The following SUSD4 variants were observed in gnomAD, a reference collection of about 807,000 sequenced individuals.
SUSD4 encodes sushi domain-containing protein 4.
Under a neutral mutation model 50.5 loss-of-function variants are expected in SUSD4, and 41 were observed. The observed-to-expected ratio is 0.81, with a 90% CI of 0.63 to 1.05. SUSD4 has a LOEUF of 1.05. Among genes scored for constraint, SUSD4 ranks in the 50% least tolerant of loss-of-function variants. The pLI is 0.00. For synonymous variants in SUSD4, 257 were observed against 257.3 expected, an observed-to-expected ratio of 1.00 and a Z score of 0.01; for missense variants, 580 against 634.7, an observed-to-expected ratio of 0.91 and a Z score of 0.93.
At chr1:223,360,550 G>A (rs1180591864) in intron 2 of SUSD4, among the ~76,000 whole-genome samples, 6 of 152,236 alleles carry the variant, frequency 3.9e-5, no homozygotes, top group Admixed American at 1.3e-4. Flanking sequence ...GAACTGAATC[G>A]GAGCTCTGGC....
chr1:223,223,243 A>G lies in SUSD4; in HGVS notation c.1444+6T>C, dbSNP rs774347018. On this transcript the variant is annotated splice_donor_region_variant and intron_variant, in intron 8 of 8. Transcript: ENST00000366878. The stretch of plus-strand genomic sequence containing the variant: ...GTGTGGCTTGGGCCCTGGGGCAAGC[A>G]CTTACCATCTGCAATGTCGATGCCT... The G allele has an allele frequency of 1.3e-6, 2 of 1,527,750 alleles. No individual in the cohort carries two copies. Among genetic ancestry groups the G allele is most frequent in the South Asian group, 1.3e-5 (1 of 77,840 alleles). 94.6% of individuals were successfully genotyped at this position (1,527,750 alleles called of 1,614,324 possible).
At chr1:223,303,911 T>C (rs1454877899) in intron 2 of SUSD4, among the ~76,000 whole-genome samples, 1 of 152,204 alleles carries the variant, frequency 6.6e-6, no homozygotes, top group Non-Finnish European at 1.5e-5. Flanking sequence ...AGAAACACAG[T>C]CTTTCTATAA....
At chr1:223,336,141 A>C (rs1667444278) in intron 2 of SUSD4, among the ~76,000 whole-genome samples, 1 of 152,202 alleles carries the variant, frequency 6.6e-6, no homozygotes, top group African/African-American at 2.4e-5. Context: ...TTTAGTAGAT[A>C]CGGGGTTTCT....
intron 2 of SUSD4, among the ~76,000 whole-genome samples, chr1:223,335,523 G>C (rs1354274951): frequency 1.3e-5 from 2 of 152,012 alleles, no homozygotes; most frequent in African/African-American, 4.8e-5. Context: ...ATGAACACAG[G>C]GCTTCTCTTC....
At chr1:223,268,011 TTTTATATATATATATATA>T (rs1278140055) in intron 4 of SUSD4, among the ~76,000 whole-genome samples, 1 of 7,668 alleles carries the variant, frequency 1.3e-4, no homozygotes, top group African/African-American at 5.8e-4. Context: ...TTCATGCATT[TTTTATATATATATATATA>T]TATATATATA....
At chr1:223,249,866 C>A (rs1462594028) in intron 5 of SUSD4, among the ~76,000 whole-genome samples, 1 of 152,006 alleles carries the variant, frequency 6.6e-6, no homozygotes, top group Non-Finnish European at 1.5e-5. Context: ...AAGACATGGA[C>A]AGTGAAAAGA....
At chr1:223,241,914 C>T (rs149901012) in intron 5 of SUSD4, among the ~76,000 whole-genome samples, 10 of 152,238 alleles carry the variant, frequency 6.6e-5, no homozygotes, top group South Asian at 4.1e-4. Context: ...CTCCCCTTTA[C>T]GGTGGCCTGG....
intron 5 of SUSD4, among the ~76,000 whole-genome samples, chr1:223,246,344 G>A (rs1232757678): frequency 6.6e-6 from 1 of 152,122 alleles, no homozygotes; most frequent in African/African-American, 2.4e-5. Flanking sequence ...TGATACAGTG[G>A]CAGAGGGGAA....
chr1:223,236,333 A>G (rs1660218248), intron 5 of SUSD4, among the ~76,000 whole-genome samples: 1 of 152,160 alleles, frequency 6.6e-6, no homozygotes, highest in Admixed American at 6.5e-5. Context: ...TCTTTTGCAG[A>G]ACAGAAGTTG....
chr1:223,234,754 A>T lies in SUSD4; in HGVS notation c.725-5366T>A, dbSNP rs189655938. ...TGTCCATTTTAGGGATGTCTTAGTG[A>T]CGTGAAATAGAGCTTTGCCAGTCCC... On this transcript the variant is annotated intron_variant, in intron 5 of 8. Coordinates refer to ENST00000366878, the MANE Select transcript of SUSD4 (RefSeq NM_017982.4). Among the ~76,000 whole-genome samples the T allele has an allele frequency of 6.9e-3, 1,055 of 152,318 alleles. 5 individuals carry two copies. The highest frequency in any genetic ancestry group is 0.01 in the Middle Eastern group (3 of 294).
intron 5 of SUSD4, among the ~76,000 whole-genome samples, chr1:223,259,415 C>A (rs1399501801): frequency 6.6e-6 from 1 of 152,140 alleles, no homozygotes; most frequent in Non-Finnish European, 1.5e-5. Context: ...ATGGCAGCTA[C>A]AATTAAGGAC....
chr1:223,356,382 T>C (rs955318819), intron 2 of SUSD4, among the ~76,000 whole-genome samples: 20 of 152,086 alleles, frequency 1.3e-4, no homozygotes, highest in Non-Finnish European at 2.1e-4. Context: ...GGGGAACTTC[T>C]ACACACATTC....
Position 223,222,196 on chromosome 1 carries a change from G to A in SUSD4, c.1469C>T (p.Pro490Leu), listed in dbSNP as rs1271521082. ...ADEIPLMEEDP is the reference protein window; with the variant it reads ...ADEIPLMEEDL ...TCATCTGGATCTTGACCCATATTAG[G>A]GATCTTCTTCCATTAGAGGAATCTC... Residue 490 changes from proline to leucine, a missense_variant, in exon 9 of 9, where the codon CCC becomes CTC. Transcript: ENST00000366878. 3 of 1,613,298 alleles carry A rather than the reference G, an allele frequency of 1.9e-6. No individual in the cohort carries two copies. In the Admixed American group the frequency reaches 5.0e-5, roughly 27 times the overall value.
At chr1:223,256,618 C>T (rs1661710883) in intron 5 of SUSD4, among the ~76,000 whole-genome samples, 1 of 152,194 alleles carries the variant, frequency 6.6e-6, no homozygotes, top group African/African-American at 2.4e-5. Flanking sequence ...TTCATTTTGC[C>T]ACCTGCCTTC....
intron 2 of SUSD4, among the ~76,000 whole-genome samples, chr1:223,354,034 GA>G (rs112464132): frequency 9.2e-4 from 125 of 136,008 alleles, no homozygotes; most frequent in Middle Eastern, 7.4e-3. Flanking sequence ...GTTGTCTCAA[GA>G]AAAAAAAAAA....
chr1:223,321,797 A>C (rs1336154526), intron 2 of SUSD4, among the ~76,000 whole-genome samples: 2 of 152,244 alleles, frequency 1.3e-5, no homozygotes, highest in Non-Finnish European at 2.9e-5. Flanking sequence ...AAATATAGTT[A>C]TCAAAATATT....
At chr1:223,320,491 G>C (rs1020359099) in intron 2 of SUSD4, among the ~76,000 whole-genome samples, 1 of 152,114 alleles carries the variant, frequency 6.6e-6, no homozygotes, top group African/African-American at 2.4e-5. Context: ...CCGCTTCTCG[G>C]GGTGTTGCAC....
chr1:223,245,546 G>C (rs1256712561), intron 5 of SUSD4, among the ~76,000 whole-genome samples: 1 of 152,112 alleles, frequency 6.6e-6, no homozygotes. Context: ...GAGGCAGGCG[G>C]GACACTGTGT....
chr1:223,340,695 C>T (rs974330175), intron 2 of SUSD4, among the ~76,000 whole-genome samples: 1 of 152,172 alleles, frequency 6.6e-6, no homozygotes. Flanking sequence ...CTCTTTCCCA[C>T]AGGAGGGGAA....
Sources: gnomAD v4.1 joint callset for allele counts (sites outside exome capture counted in the v4.1 genomes callset) on GRCh38, gnomAD v4.1.1 for gene constraint, MANE v1.5 for transcripts, NCBI Gene and HGNC (gene_info 2026-07-23, HGNC 2026-07-21) for gene names.